Variants in ARID2 observed in about 807,000 individuals in gnomAD.
ARID2 encodes AT-rich interaction domain 2.
In ARID2, 32 loss-of-function variants were observed where a neutral mutation model predicts 184.6. That is an observed-to-expected ratio of 0.17 (90% CI 0.13 to 0.23). The LOEUF (loss-of-function observed/expected upper bound fraction) is 0.23. Among genes scored for constraint, ARID2 ranks in the 10% least tolerant of loss-of-function variants. The pLI is 1.00. For synonymous variants in ARID2, 836 were observed against 772.6 expected, an observed-to-expected ratio of 1.08 and a Z score of -1.36; for missense variants, 1,696 against 2,197.6, an observed-to-expected ratio of 0.77 and a Z score of 4.56.
At chr12:45,743,222 A>G (rs1247449854) in intron 3 of ARID2, among the ~76,000 whole-genome samples, 2 of 151,868 alleles carry the variant, frequency 1.3e-5, no homozygotes, top group Non-Finnish European at 2.9e-5. Context: ...TACAAAAATT[A>G]GCCAGGTGCT....
Position 45,851,832 on chromosome 12 carries a change from T to C in ARID2, c.3709T>C (p.Phe1237Leu), listed in dbSNP as rs2138174030. Residue 1237 changes from phenylalanine (F) to leucine (L), a missense_variant, in exon 15 of 21, where the codon TTC becomes CTC. Transcript: ENST00000334344. ...ATCATGTACTACTGCTACTCCCCCA[T>C]TCAAAGGTGATAAAATAATTTGCCA... ...QSSCTTATPP[F>L]KGDKIICQKE... is the part of the protein sequence containing the mutation. The C allele has an allele frequency of 1.2e-6, 2 of 1,614,068 alleles. No individual in the cohort carries two copies. The highest frequency in any genetic ancestry group is 1.1e-5 in the South Asian group (1 of 91,084).
intron 16 of ARID2, among the ~76,000 whole-genome samples, chr12:45,876,566 AAG>A (rs1397139834): frequency 7.4e-6 from 1 of 135,628 alleles, no homozygotes; most frequent in East Asian, 2.2e-4. Flanking sequence ...AAAGAAAAAA[AAG>A]GAAAAAAAAA....
At chr12:45,822,054 C>T (rs1942907456) in intron 6 of ARID2, among the ~76,000 whole-genome samples, 1 of 152,150 alleles carries the variant, frequency 6.6e-6, no homozygotes, top group Non-Finnish European at 1.5e-5. Flanking sequence ...ATTTACTCTC[C>T]AAGGGTACAT....
intron 3 of ARID2, among the ~76,000 whole-genome samples, chr12:45,777,523 A>G (rs969604901): frequency 7.9e-5 from 12 of 152,064 alleles, no homozygotes; most frequent in African/African-American, 2.9e-4. Context: ...ATGCACAAGC[A>G]GTACATTAAT....
At chr12:45,821,882 TAA>T (rs1473067380) in intron 6 of ARID2, among the ~76,000 whole-genome samples, 1 of 152,184 alleles carries the variant, frequency 6.6e-6, no homozygotes, top group African/African-American at 2.4e-5. Flanking sequence ...AAAAGATTAG[TAA>T]GTGTCCATCT....
chr12:45,777,453 A>C lies in ARID2; in HGVS notation c.285-33965A>C, dbSNP rs139685290. ...ATATATAGAAGATACAATCACATTA[A>C]ATGTACAGAGCTGTGCTATTATCTA... On this transcript the variant is annotated intron_variant, in intron 3 of 20. Coordinates refer to ENST00000334344, the MANE Select transcript of ARID2 (RefSeq NM_152641.4). Among the ~76,000 whole-genome samples the C allele has an allele frequency of 1.6e-3, 241 of 152,252 alleles. 1 individual carries two copies. The highest frequency in any genetic ancestry group is 5.6e-3 in the African/African-American group (231 of 41,554).
chr12:45,815,283 TAGA>T (rs1025437656), intron 4 of ARID2, among the ~76,000 whole-genome samples: 14 of 152,372 alleles, frequency 9.2e-5, no homozygotes, highest in African/African-American at 3.1e-4. Flanking sequence ...CCTATATTCA[TAGA>T]AGTTTCATTA....
chr12:45,851,989 A>T lies in ARID2; in HGVS notation c.3866A>T (p.His1289Leu). ...GGGGATACAAAGGAAAATGAAATGC[A>T]TGTGGGAAGTCTTTTAAATGGGAGA... ...SNGDTKENEM[H>L]VGSLLNGRKY... The change falls in exon 15 of 21, where the codon CAT becomes CTT. Residue 1289 changes from histidine (H) to leucine (L), a missense_variant. Coordinates refer to ENST00000334344, the MANE Select transcript of ARID2 (RefSeq NM_152641.4). 2 of 1,614,156 alleles carry T rather than the reference A, an allele frequency of 1.2e-6. No individual in the cohort carries two copies. Among genetic ancestry groups the T allele is most frequent in the Non-Finnish European group, 1.7e-6 (2 of 1,180,008 alleles).
chr12:45,884,236 A>G (rs144256861), intron 16 of ARID2, among the ~76,000 whole-genome samples: 2 of 152,210 alleles, frequency 1.3e-5, no homozygotes, highest in African/African-American at 4.8e-5. Context: ...TCTCTACTAA[A>G]AATACAAAAA....
At chr12:45,779,957 A>G (rs1161118004) in intron 3 of ARID2, among the ~76,000 whole-genome samples, 1 of 152,150 alleles carries the variant, frequency 6.6e-6, no homozygotes, top group East Asian at 1.9e-4. Context: ...TTTATATTGG[A>G]TAAATTGTCT....
At chr12:45,886,996 T>C (rs1432354073) in intron 16 of ARID2, among the ~76,000 whole-genome samples, 3 of 152,222 alleles carry the variant, frequency 2.0e-5, no homozygotes, top group African/African-American at 4.8e-5. Flanking sequence ...TTGTTACTTA[T>C]ACAAATTCCT....
In ARID2 at chr12:45,851,749, G is replaced by A. The variant is rs745770012; in HGVS notation, c.3626G>A (p.Gly1209Glu). ...ATTACCATGAGCGGAACGCAGACAG[G>A]AGTTGGACTTCCAGTACAAACGCTT... The part of the protein sequence containing the change: ...AGITMSGTQT[G>E]VGLPVQTLPA... The change falls in exon 15 of 21, where the codon GGA becomes GAA. Residue 1209 changes from glycine (G) to glutamate (E), a missense_variant. Around this residue, in one of 11 missense-constraint regions of ARID2, gnomAD observed 428 missense variants for 409.1 expected, o/e 1.05. Transcript: ENST00000334344. 1 of 1,614,104 alleles carries A rather than the reference G, an allele frequency of 6.2e-7. No homozygotes were observed. Among genetic ancestry groups the A allele is most frequent in the East Asian group, 2.2e-5 (1 of 44,874 alleles).
chr12:45,865,885 T>G (rs1036240714), intron 16 of ARID2, among the ~76,000 whole-genome samples: 2 of 152,116 alleles, frequency 1.3e-5, no homozygotes, highest in Non-Finnish European at 2.9e-5. Context: ...TCAAGACTCT[T>G]AACAAAAGTG....
At chr12:45,823,951 T>C (rs1942945343) in intron 6 of ARID2, among the ~76,000 whole-genome samples, 1 of 152,142 alleles carries the variant, frequency 6.6e-6, no homozygotes, top group African/African-American at 2.4e-5. Flanking sequence ...AATACTACTC[T>C]GATACCAAAA....
intron 16 of ARID2, chr12:45,881,921 GC>G: frequency 5.1e-6 from 1 of 197,860 alleles, no homozygotes; most frequent in Non-Finnish European, 1.1e-5. Flanking sequence ...CGTGGAACAT[GC>G]CAGAGGTCAC....
intron 3 of ARID2, among the ~76,000 whole-genome samples, chr12:45,807,206 C>A (rs942392749): frequency 1.3e-5 from 2 of 152,148 alleles, no homozygotes; most frequent in African/African-American, 4.8e-5. Context: ...ATTTTTCTCT[C>A]TAAAGTTTAT....
At chr12:45,891,024 G>T (rs1253304905) in intron 16 of ARID2, among the ~76,000 whole-genome samples, 2 of 152,054 alleles carry the variant, frequency 1.3e-5, no homozygotes, top group Non-Finnish European at 2.9e-5. Flanking sequence ...AATTAGCCGC[G>T]CATGGTGGCA....
intron 3 of ARID2, among the ~76,000 whole-genome samples, chr12:45,741,999 CTT>C (rs1941267423): frequency 6.6e-6 from 1 of 152,196 alleles, no homozygotes; most frequent in Non-Finnish European, 1.5e-5. Context: ...GTGTATCTCC[CTT>C]AACCTTCAGT....
chr12:45,732,435 G>C (rs531389840), intron 3 of ARID2, among the ~76,000 whole-genome samples: 4 of 152,168 alleles, frequency 2.6e-5, no homozygotes, highest in African/African-American at 7.2e-5. Context: ...ACTTTGTGGA[G>C]TAGTTATTGA....
Sources: allele counts gnomAD v4.1 joint callset (sites outside exome capture counted in the v4.1 genomes callset), GRCh38; gene constraint gnomAD v4.1.1; regional missense constraint gnomAD v4.1.1; transcripts MANE v1.5; gene names NCBI Gene and HGNC (gene_info 2026-07-23, HGNC 2026-07-21).